UNC79: variants seen among roughly 807,000 people sequenced by gnomAD.
The protein encoded by UNC79 is protein unc-79 homolog.
In UNC79, 37 loss-of-function variants were observed where a neutral mutation model predicts 283.1. The ratio of observed to expected loss-of-function variants is 0.13; its 90% confidence interval spans 0.10 to 0.17. The LOEUF (loss-of-function observed/expected upper bound fraction) is 0.17. Ranked by LOEUF, UNC79 falls within the 10% of genes least tolerant of loss-of-function variation. UNC79 has a pLI of 1.00. For missense variants in UNC79, 2,272 were observed against 3,211.1 expected, an observed-to-expected ratio of 0.71 and a Z score of 7.07; for synonymous variants, 1,107 against 1,200.2, an observed-to-expected ratio of 0.92 and a Z score of 1.61.
At chr14:93,564,579 C>T (rs555518810) in intron 14 of UNC79, among the ~76,000 whole-genome samples, 5 of 152,320 alleles carry the variant, frequency 3.3e-5, no homozygotes, top group South Asian at 2.1e-4. Context: ...GAATTTCACA[C>T]GCGTCCATGT....
At chr14:93,473,088 T>C (rs2057608172) in intron 2 of UNC79, among the ~76,000 whole-genome samples, 1 of 152,090 alleles carries the variant, frequency 6.6e-6, no homozygotes, top group Admixed American at 6.5e-5. Flanking sequence ...AATTTATTTT[T>C]AGAATTTATT....
At chr14:93,612,866 A>G (rs1046153295) in exon 27 of UNC79, 1 of 1,614,008 alleles carries the variant, frequency 6.2e-7, no homozygotes, top group African/African-American at 1.3e-5. Flanking sequence ...ATCGACCACC[A>G]GACAGTTCAC....
At chr14:93,598,333 T>C (rs1032825374) in intron 24 of UNC79, among the ~76,000 whole-genome samples, 1 of 151,830 alleles carries the variant, frequency 6.6e-6, no homozygotes, top group African/African-American at 2.4e-5. Flanking sequence ...CATATGCTGA[T>C]ATTACTTTGG....
chr14:93,688,860 G>A lies in UNC79; in HGVS notation c.7085+20G>A, dbSNP rs780656936. Reference sequence around the variant, plus strand: ...GCAAGGGTAAGACCCTTACTATTCCGGGAATGAGGGTAAAGAAGGCAGGAG... The same window carrying A: ...GCAAGGGTAAGACCCTTACTATTCCAGGAATGAGGGTAAAGAAGGCAGGAG... On this transcript the variant is annotated intron_variant, in intron 44 of 48. Coordinates refer to ENST00000555664, the Ensembl canonical transcript of UNC79. The surrounding 1 kb of genome is among the most constrained non-coding windows in gnomAD (Gnocchi z 4.0). 25 of 1,607,594 alleles carry A rather than the reference G, an allele frequency of 1.6e-5. No individual in the cohort carries two copies. Among genetic ancestry groups the A allele is most frequent in the Admixed American group, 1.2e-4 (7 of 59,406 alleles).
At chr14:93,662,853 A>G (rs916898072) in intron 40 of UNC79, 139 bp downstream of exon 43, 1 of 559,072 alleles carries the variant, frequency 1.8e-6, no homozygotes, top group African/African-American at 1.9e-5. Flanking sequence ...GGTCTAATAA[A>G]TACCATGGTA....
chr14:93,664,414 A>G (rs1041795867), intron 40 of UNC79, among the ~76,000 whole-genome samples: 2 of 152,302 alleles, frequency 1.3e-5, no homozygotes, highest in East Asian at 3.9e-4. Context: ...TGGTAAGCAT[A>G]TAAGTAGCCC....
At chr14:93,643,741 T>G in intron 34 of UNC79, 44 bp downstream of exon 37, 1 of 1,601,856 alleles carries the variant, frequency 6.2e-7, no homozygotes, top group Non-Finnish European at 8.5e-7. Flanking sequence ...GGTCCTTTAT[T>G]CAGTCTCTAT....
At chr14:93,689,794 G>T in intron 44 of UNC79, 1 of 256,402 alleles carries the variant, frequency 3.9e-6, no homozygotes, top group South Asian at 8.8e-5. Flanking sequence ...CGGCCCACCA[G>T]AGAAGAAATT....
chr14:93,446,938 G>A (rs1031990796), intron 1 of UNC79, among the ~76,000 whole-genome samples: 6 of 152,016 alleles, frequency 3.9e-5, no homozygotes, highest in East Asian at 1.9e-4. Context: ...ACGCATTTGC[G>A]GATTTTTGTC....
At chr14:93,484,344 C>G (rs1169130360) in intron 4 of UNC79, among the ~76,000 whole-genome samples, 1 of 152,210 alleles carries the variant, frequency 6.6e-6, no homozygotes, top group Non-Finnish European at 1.5e-5. Context: ...GTGACTTGGC[C>G]TGCAGTCCCA....
intron 5 of UNC79, 139 bp from the exon 6 acceptor site, chr14:93,496,272 T>C: frequency 1.9e-6 from 1 of 540,196 alleles, no homozygotes; most frequent in Non-Finnish European, 3.1e-6. Context: ...TAAGTATGAA[T>C]ATATGGAGAG....
chr14:93,662,877 AACAC>A (rs35000706), intron 40 of UNC79, among the ~76,000 whole-genome samples, 163 bp downstream of exon 43: 3,373 of 148,578 alleles, frequency 0.023, 50 homozygotes, highest in South Asian at 0.063. Context: ...AAACACTTTA[AACAC>A]ACACACACAC....
At chr14:93,522,640 A>G (rs990188531) in intron 7 of UNC79, among the ~76,000 whole-genome samples, 9 of 152,164 alleles carry the variant, frequency 5.9e-5, no homozygotes, top group African/African-American at 2.2e-4. Context: ...AAGCGCCTAT[A>G]CCGAAATTAT....
At chr14:93,557,286 T>G (rs1242147244) in intron 14 of UNC79, among the ~76,000 whole-genome samples, 1 of 152,202 alleles carries the variant, frequency 6.6e-6, no homozygotes, top group East Asian at 1.9e-4. Flanking sequence ...CATCTGGACT[T>G]TCTGCTGTTG....
At chr14:93,515,457 G>T (rs764815852) in intron 7 of UNC79, among the ~76,000 whole-genome samples, 4 of 152,036 alleles carry the variant, frequency 2.6e-5, no homozygotes, top group Admixed American at 2.6e-4. Context: ...TCTTGTTTGT[G>T]TGGTTGTTTT....
exon 32 of UNC79, chr14:93,637,247 C>G: frequency 6.6e-7 from 1 of 1,512,840 alleles, no homozygotes; most frequent in Non-Finnish European, 9.2e-7. Flanking sequence ...GCCAGTGTAA[C>G]GTGCCAACGT....
chr14:93,519,538 T>A (rs1321826544), intron 7 of UNC79, among the ~76,000 whole-genome samples: 1 of 151,884 alleles, frequency 6.6e-6, no homozygotes, highest in Non-Finnish European at 1.5e-5. Context: ...TTAATGTAAT[T>A]TCTGGTATGA....
In UNC79 at chr14:93,408,136, T is replaced by A. The variant is rs118126700; in HGVS notation, c.-350-59535T>A. 2.5e-4 allele frequency among the ~76,000 whole-genome samples: 38 copies of A among 152,244 alleles called. No individual in the cohort carries two copies. In the East Asian group the frequency reaches 7.3e-3, roughly 29 times the overall value. The stretch of plus-strand genomic sequence containing the variant: ...AGCAAGCATCAGTACCAGACTCGAA[T>A]AGGGTAGAAACTTTGGAATGATGAG... On this transcript the variant is annotated intron_variant, in intron 1 of 49. Transcript: ENST00000256339.
At chr14:93,576,214 T>A (rs2063467998) in intron 17 of UNC79, among the ~76,000 whole-genome samples, 1 of 152,220 alleles carries the variant, frequency 6.6e-6, no homozygotes, top group African/African-American at 2.4e-5. Flanking sequence ...AGTGATTTCC[T>A]ACAGAAACAC....
Sources: allele counts gnomAD v4.1 joint callset (sites outside exome capture counted in the v4.1 genomes callset), GRCh38; gene constraint gnomAD v4.1.1; non-coding constraint Gnocchi (gnomAD v3.1); transcripts MANE v1.5; gene names NCBI Gene and HGNC (gene_info 2026-07-23, HGNC 2026-07-21).